IBTK: variants seen among roughly 807,000 people sequenced by gnomAD.
IBTK encodes inhibitor of Bruton tyrosine kinase.
In IBTK, 83 loss-of-function variants were observed where a neutral mutation model predicts 154.9. That is an observed-to-expected ratio of 0.54 (90% CI 0.45 to 0.64). The LOEUF is 0.64. Ranked by LOEUF, IBTK falls within the 30% of genes least tolerant of loss-of-function variation. The probability of loss-of-function intolerance (pLI) is 0.00; values close to 1 mark genes in which losing one functional copy is unlikely to be tolerated. For synonymous variants in IBTK, 515 were observed against 536.1 expected (o/e 0.96, Z 0.54); for missense variants, 1,332 against 1,584.6 (o/e 0.84, Z 2.71).
intron 2 of IBTK, among the ~76,000 whole-genome samples, chr6:82,237,256 A>C (rs1770750522): frequency 6.6e-6 from 1 of 152,160 alleles, no homozygotes; most frequent in Non-Finnish European, 1.5e-5. Context: ...ACTGAAAAAA[A>C]AAAAGCCAAG....
chr6:82,181,196 C>T (rs1351396088), intron 26 of IBTK, among the ~76,000 whole-genome samples: 1 of 151,946 alleles, frequency 6.6e-6, no homozygotes, highest in Non-Finnish European at 1.5e-5. Flanking sequence ...TTGAGACCAG[C>T]CTGGGCAACA....
Position 82,212,578 on chromosome 6 carries a change from G to A in IBTK, c.2291+129C>T, listed in dbSNP as rs1769693486. 4 of 657,230 alleles carry A rather than the reference G, an allele frequency of 6.1e-6. No individual in the cohort carries two copies. In the Admixed American group the frequency reaches 1.1e-4, roughly 19 times the overall value. The allele number at this position is 657,230 out of a possible 1,614,324, so 40.7% of individuals were successfully genotyped here. ...GCTCCCCAACATTTCCAGAAATGCA[G>A]AATACTAGAAAAGGTAAGAGGGTAT... is the stretch of plus-strand genomic sequence containing the variant. On this transcript the variant is annotated intron_variant, in intron 13 of 28. Coordinates refer to ENST00000306270, the MANE Select transcript of IBTK (RefSeq NM_015525.4).
chr6:82,243,516 A>G (rs1428763524), intron 1 of IBTK, among the ~76,000 whole-genome samples: 1 of 152,218 alleles, frequency 6.6e-6, no homozygotes, highest in African/African-American at 2.4e-5. Context: ...CTGAGACATG[A>G]ATCATACATT....
chr6:82,238,081 T>C (rs545651199), intron 2 of IBTK, among the ~76,000 whole-genome samples: 58 of 151,952 alleles, frequency 3.8e-4, no homozygotes, highest in African/African-American at 1.2e-3. Context: ...CCGTCTCTAC[T>C]AAAAATACAA....
chr6:82,186,461 A>T (rs1190404089), intron 25 of IBTK, among the ~76,000 whole-genome samples: 2 of 152,172 alleles, frequency 1.3e-5, no homozygotes, highest in African/African-American at 4.8e-5. Flanking sequence ...TTTTACATTA[A>T]GGTTTTTTTT....
chr6:82,175,164 AG>A (rs1768064575), intron 26 of IBTK, among the ~76,000 whole-genome samples: 1 of 152,338 alleles, frequency 6.6e-6, no homozygotes, highest in South Asian at 2.1e-4. Context: ...AAAATTAATT[AG>A]AAAATTAACG....
chr6:82,194,926 T>C (rs1052856728), intron 22 of IBTK, among the ~76,000 whole-genome samples: 1 of 152,158 alleles, frequency 6.6e-6, no homozygotes, highest in East Asian at 1.9e-4. Context: ...ATGTAATATA[T>C]AAAAGTTGTA....
At chr6:82,205,252 C>A (rs571940817) in intron 16 of IBTK, 132 of 196,106 alleles carry the variant, frequency 6.7e-4, no homozygotes, top group African/African-American at 2.8e-3. Flanking sequence ...TTAAATTGAT[C>A]ATTTCAGTCT....
Position 82,244,725 on chromosome 6 carries a change from C to T in IBTK, c.-358+2837G>A, listed in dbSNP as rs193045799. Among the ~76,000 whole-genome samples the T allele has an allele frequency of 2.6e-5, 4 of 152,160 alleles. No individual in the cohort carries two copies. In the East Asian group the frequency reaches 7.7e-4, roughly 29 times the overall value. Reference sequence around the variant, plus strand: ...TTCTTATCTATGCATTCAAAAACTGCTTAAAGAAGGGGAAGAAAGCAAAGG... The same window carrying T: ...TTCTTATCTATGCATTCAAAAACTGTTTAAAGAAGGGGAAGAAAGCAAAGG... On this transcript the variant is annotated intron_variant, in intron 1 of 28. Coordinates refer to ENST00000306270, the MANE Select transcript of IBTK (RefSeq NM_015525.4).
At chr6:82,181,754 T>C (rs1434956276) in intron 26 of IBTK, 125 bp downstream of exon 26, 2 of 631,988 alleles carry the variant, frequency 3.2e-6, no homozygotes, top group South Asian at 2.6e-5. Context: ...CTAATTTTAA[T>C]TCTGAATGTA....
At chr6:82,177,333 C>A (rs188706131) in intron 26 of IBTK, among the ~76,000 whole-genome samples, 27 of 152,202 alleles carry the variant, frequency 1.8e-4, no homozygotes, top group Non-Finnish European at 1.5e-5. Flanking sequence ...CCTCAGCCTC[C>A]CTAGTAGCTA....
At chr6:82,239,035 C>T (rs569342489) in intron 2 of IBTK, among the ~76,000 whole-genome samples, 2 of 152,128 alleles carry the variant, frequency 1.3e-5, no homozygotes, top group Admixed American at 1.3e-4. Context: ...CCACACCTGG[C>T]CTCATCAGTT....
At chr6:82,189,740 A>G (rs1417787311) in intron 25 of IBTK, among the ~76,000 whole-genome samples, 1 of 152,344 alleles carries the variant, frequency 6.6e-6, no homozygotes, top group East Asian at 1.9e-4. Flanking sequence ...TCACTCGTTC[A>G]CTTTTTGCTT....
Position 82,194,640 on chromosome 6 carries a change from C to G in IBTK, c.3177G>C (p.Ala1059=). Residue 1059 remains alanine, a splice_region_variant and synonymous_variant, in exon 23 of 29, where the codon GCG becomes GCC. Coordinates refer to ENST00000306270, the MANE Select transcript of IBTK (RefSeq NM_015525.4). ...TACCATTAACATACGGTTTGACTTT[C>G]GCCTGGGGAGAGAAAAAAAATAAAA... ...TTGFHSDKIE[A]KVKPYVNGTS... is the part of the protein sequence containing the mutation. The G allele has an allele frequency of 1.3e-6, 2 of 1,566,864 alleles. No homozygotes were observed. Among genetic ancestry groups the G allele is most frequent in the Non-Finnish European group, 1.7e-6 (2 of 1,159,938 alleles).
At chr6:82,224,256 C>A in intron 6 of IBTK, 71 bp from the exon 7 acceptor site, 2 of 1,079,532 alleles carry the variant, frequency 1.9e-6, no homozygotes, top group South Asian at 1.3e-5. Flanking sequence ...AAAGATCCAG[C>A]AGACCAGCAA....
At chr6:82,227,048 C>G in intron 5 of IBTK, 144 bp downstream of exon 5, 1 of 531,988 alleles carries the variant, frequency 1.9e-6, no homozygotes, top group East Asian at 3.1e-5. Flanking sequence ...CATGATATAT[C>G]AGGAAACAGA....
intron 25 of IBTK, among the ~76,000 whole-genome samples, chr6:82,183,559 T>C (rs1436509308): frequency 6.6e-6 from 1 of 152,202 alleles, no homozygotes; most frequent in African/African-American, 2.4e-5. Context: ...ATATAGACTA[T>C]ATCTATTTTA....
In IBTK at chr6:82,218,083, G is replaced by A; in HGVS notation, c.1303C>T (p.Pro435Ser). The change falls in exon 10 of 29, where the codon CCA becomes TCA. Residue 435 changes from proline to serine, a missense_variant. By Grantham distance (74) the Pro-to-Ser change is moderately conservative (BLOSUM62 -1). Around this residue, in one of 3 missense-constraint regions of IBTK, gnomAD observed 1,134 missense variants for 1,274.7 expected, o/e 0.89. Transcript: ENST00000306270. ...ATATCAGAAATGAAGACCTGACGTGGATAGGCCCATCGACACTGCTTCAGA... is the reference window on the plus strand; with the variant it reads ...ATATCAGAAATGAAGACCTGACGTGAATAGGCCCATCGACACTGCTTCAGA... Reference protein sequence around the residue: ...SSLKQCRWAYPRQVFISDIAL... With the variant: ...SSLKQCRWAYSRQVFISDIAL... 1 of 1,609,600 alleles carries A rather than the reference G, an allele frequency of 6.2e-7. No individual in the cohort carries two copies. Among genetic ancestry groups the A allele is most frequent in the Non-Finnish European group, 8.5e-7 (1 of 1,178,130 alleles).
intron 26 of IBTK, among the ~76,000 whole-genome samples, chr6:82,180,940 C>A (rs1407024076): frequency 2.0e-5 from 3 of 152,174 alleles, no homozygotes; most frequent in African/African-American, 7.2e-5. Context: ...TTGTCTGAGA[C>A]CAGGTCTCAC....
Sources: allele counts gnomAD v4.1 joint callset (sites outside exome capture counted in the v4.1 genomes callset), GRCh38; gene constraint gnomAD v4.1.1; regional missense constraint gnomAD v4.1.1; transcripts MANE v1.5; gene names NCBI Gene and HGNC (gene_info 2026-07-23, HGNC 2026-07-21).